Variants in RAD54L2 observed in about 807,000 individuals in gnomAD.
RAD54L2 encodes helicase ARIP4.
A neutral mutation model predicts 138.4 loss-of-function variants in RAD54L2; 27 were observed. The observed-to-expected ratio is 0.20, with a 90% CI of 0.14 to 0.27. RAD54L2 has a LOEUF of 0.27. Ranked by LOEUF, RAD54L2 falls within the 10% of genes least tolerant of loss-of-function variation. The probability of loss-of-function intolerance (pLI) is 1.00; values close to 1 mark genes in which losing one functional copy is unlikely to be tolerated. For synonymous variants in RAD54L2, 644 were observed against 723.2 expected, an observed-to-expected ratio of 0.89 and a Z score of 1.76; for missense variants, 1,396 against 1,890.2, an observed-to-expected ratio of 0.74 and a Z score of 4.85.
intron 2 of RAD54L2, among the ~76,000 whole-genome samples, chr3:51,566,466 GTTTTTTTTTTTTTTTTT>G (rs71084149): frequency 9.5e-4 from 30 of 31,534 alleles, no homozygotes; most frequent in African/African-American, 4.8e-3. Context: ...CCTTTTCTGC[GTTTTTTTTTTTTTTTTT>G]TTTTTTTTTT....
At chr3:51,544,274 AT>A (rs1698630509) in intron 2 of RAD54L2, among the ~76,000 whole-genome samples, 1 of 152,156 alleles carries the variant, frequency 6.6e-6, no homozygotes, top group Non-Finnish European at 1.5e-5. Context: ...TTCTGACTTC[AT>A]GGCTGCCTCT....
rs574560824 is a variant in RAD54L2, at chr3:51,618,059, A to G, written c.140-9494A>G. Among the ~76,000 whole-genome samples, 387 of 151,928 alleles carry G rather than the reference A, an allele frequency of 2.5e-3. 3 individuals carry two copies. The highest frequency in any genetic ancestry group is 8.9e-3 in the African/African-American group (368 of 41,438). On this transcript the variant is annotated intron_variant, in intron 3 of 22. Coordinates refer to ENST00000684192, the MANE Select transcript of RAD54L2 (RefSeq NM_015106.4). The stretch of plus-strand genomic sequence containing the variant: ...TTACAACCTCCGCTTCCTGGGTTCA[A>G]GCAATTCTCTTGCCTCATCCTCCGG...
chr3:51,555,085 C>T (rs1044987591), intron 2 of RAD54L2, among the ~76,000 whole-genome samples: 2 of 152,044 alleles, frequency 1.3e-5, no homozygotes, highest in Admixed American at 6.6e-5. Flanking sequence ...TCAAGTGACC[C>T]GCCCACATCG....
intron 5 of RAD54L2, 49 bp downstream of exon 5, chr3:51,629,522 G>A: frequency 6.3e-7 from 1 of 1,597,158 alleles, no homozygotes; most frequent in South Asian, 1.1e-5. Context: ...GGAGGAAGAA[G>A]CCCTAGGTGC....
At chr3:51,632,328 C>G (rs1238716222) in intron 7 of RAD54L2, among the ~76,000 whole-genome samples, 1 of 152,130 alleles carries the variant, frequency 6.6e-6, no homozygotes, top group African/African-American at 2.4e-5. Context: ...AAGTCTCACT[C>G]TGTAGCCCAG....
intron 3 of RAD54L2, among the ~76,000 whole-genome samples, chr3:51,609,197 T>C (rs77310880): frequency 0.01 from 1,528 of 152,358 alleles, 25 homozygotes; most frequent in African/African-American, 0.035. Context: ...TTTAAATGGC[T>C]AGTCAGAAAA....
rs144336725 is a variant in RAD54L2 at position 51,631,036 on chromosome 3, G to A, written c.825+105G>A. The A allele has an allele frequency of 9.0e-5, 104 of 1,158,848 alleles. No individual in the cohort carries two copies. The African/African-American group carries it at 1.3e-3, about 14-fold the overall frequency. 71.8% of individuals were successfully genotyped at this position (1,158,848 alleles called of 1,614,324 possible). The stretch of plus-strand genomic sequence containing the variant: ...TCACAGCCTGTGAAGTACTTGTTTG[G>A]TACCAAGAGCAGCTTGTTCAGCTGT... On this transcript the variant is annotated intron_variant, in intron 7 of 22. Coordinates refer to ENST00000684192, the MANE Select transcript of RAD54L2 (RefSeq NM_015106.4).
At chr3:51,648,575 G>T (rs1336944954) in intron 19 of RAD54L2, among the ~76,000 whole-genome samples, 3 of 152,140 alleles carry the variant, frequency 2.0e-5, no homozygotes, top group Non-Finnish European at 4.4e-5. Context: ...ATACAGCCGG[G>T]TGCCCCTCTG....
chr3:51,663,535 G>A lies in RAD54L2; in HGVS notation c.*115G>A, dbSNP rs1274686495. On this transcript the variant is annotated 3_prime_UTR_variant, in exon 23 of 23. Transcript: ENST00000684192. ...CACTTGGCAGGAGGGAAAAGGAAGAGGACAAAGGAGGGTGGTTGGCCAAAG... is the reference window on the plus strand; with the variant it reads ...CACTTGGCAGGAGGGAAAAGGAAGAAGACAAAGGAGGGTGGTTGGCCAAAG... The A allele has an allele frequency of 7.8e-6, 9 of 1,160,906 alleles. No individual in the cohort carries two copies. The highest frequency in any genetic ancestry group is 1.0e-5 in the Non-Finnish European group (9 of 861,170). 71.9% of individuals were successfully genotyped at this position (1,160,906 alleles called of 1,614,324 possible).
chr3:51,542,310 C>T (rs1698574296), intron 2 of RAD54L2, among the ~76,000 whole-genome samples: 1 of 152,104 alleles, frequency 6.6e-6, no homozygotes, highest in African/African-American at 2.4e-5. Flanking sequence ...TATAGGACCT[C>T]TAATCTCAGT....
At chr3:51,566,474 T>G (rs1052715618) in intron 2 of RAD54L2, among the ~76,000 whole-genome samples, 6 of 129,516 alleles carry the variant, frequency 4.6e-5, no homozygotes, top group Non-Finnish European at 1.6e-5. Flanking sequence ...GCGTTTTTTT[T>G]TTTTTTTTTT....
At chr3:51,605,698 C>T (rs1700166631) in intron 3 of RAD54L2, among the ~76,000 whole-genome samples, 1 of 152,086 alleles carries the variant, frequency 6.6e-6, no homozygotes, top group Non-Finnish European at 1.5e-5. Context: ...GTGATCCACC[C>T]GCCTCGGCCT....
intron 2 of RAD54L2, among the ~76,000 whole-genome samples, chr3:51,573,246 A>C (rs961779065): frequency 6.6e-6 from 1 of 152,110 alleles, no homozygotes; most frequent in Non-Finnish European, 1.5e-5. Context: ...GAGACAAGCC[A>C]AGTGAGACTT....
chr3:51,572,688 G>A (rs1270025734), intron 2 of RAD54L2, among the ~76,000 whole-genome samples: 1 of 146,866 alleles, frequency 6.8e-6, no homozygotes, highest in South Asian at 2.2e-4. Context: ...ACCCAGGCTC[G>A]AGTGCAGTGG....
intron 4 of RAD54L2, 133 bp downstream of exon 4, chr3:51,627,887 GT>G (rs1700730014): frequency 2.0e-6 from 2 of 996,846 alleles, no homozygotes; most frequent in Non-Finnish European, 3.0e-6. Context: ...TCAGGTGTGT[GT>G]CTTCATTAAT....
At chr3:51,571,873 G>A (rs1699345556) in intron 2 of RAD54L2, among the ~76,000 whole-genome samples, 2 of 151,814 alleles carry the variant, frequency 1.3e-5, no homozygotes, top group South Asian at 4.2e-4. Context: ...TTTGGAAATA[G>A]AATTTTTCTG....
In RAD54L2 at chr3:51,578,753, C is replaced by T. The variant is rs937603484; in HGVS notation, c.-54-11614C>T. Reference sequence around the variant, plus strand: ...GCATCTAGGGGAGGGTGCCTGTGACCCCTGAAGCCCTAGAGGAAGTGTTGC... The same window carrying T: ...GCATCTAGGGGAGGGTGCCTGTGACTCCTGAAGCCCTAGAGGAAGTGTTGC... On this transcript the variant is annotated intron_variant, in intron 2 of 22. Transcript: ENST00000684192. 8.5e-5 allele frequency among the ~76,000 whole-genome samples: 13 copies of T among 152,054 alleles called. No homozygotes were observed. The East Asian group carries it at 2.3e-3, about 27-fold the overall frequency.
intron 3 of RAD54L2, among the ~76,000 whole-genome samples, chr3:51,591,491 C>G (rs1316977655): frequency 6.6e-6 from 1 of 152,156 alleles, no homozygotes; most frequent in African/African-American, 2.4e-5. Context: ...CTGGTGTTTA[C>G]TATCTTCAGT....
intron 22 of RAD54L2, among the ~76,000 whole-genome samples, chr3:51,661,565 G>A (rs1272361696): frequency 6.6e-6 from 1 of 152,204 alleles, no homozygotes; most frequent in East Asian, 1.9e-4. Flanking sequence ...ACAGTGTTAA[G>A]AACTCTTGCC....
Sources: allele counts gnomAD v4.1 joint callset (sites outside exome capture counted in the v4.1 genomes callset), GRCh38; gene constraint gnomAD v4.1.1; transcripts MANE v1.5; gene names NCBI Gene and HGNC (gene_info 2026-07-23, HGNC 2026-07-21).